Variants in KANK2 observed in about 807,000 individuals in gnomAD.
KANK2 encodes KN motif and ankyrin repeat domain-containing protein 2.
KANK2 carries 41 observed loss-of-function variants against 74.6 expected under a neutral mutation model. The observed-to-expected ratio is 0.55, with a 90% CI of 0.43 to 0.71. The LOEUF is 0.71. Among genes scored for constraint, KANK2 ranks in the 30% least tolerant of loss-of-function variants. The pLI is 0.00. For synonymous variants in KANK2, 537 were observed against 519.0 expected, an observed-to-expected ratio of 1.03 and a Z score of -0.47; for missense variants, 1,148 against 1,196.4, an observed-to-expected ratio of 0.96 and a Z score of 0.60.
At chr19:11,194,394 C>G in intron 3 of KANK2, 81 bp downstream of exon 3, 1 of 1,168,194 alleles carries the variant, frequency 8.6e-7, no homozygotes, top group Non-Finnish European at 1.3e-6. Flanking sequence ...CTCAAAGTCC[C>G]CAGGGCAAGG....
At chr19:11,183,302 C>T (rs2078581981) in intron 4 of KANK2, among the ~76,000 whole-genome samples, 4 of 152,150 alleles carry the variant, frequency 2.6e-5, no homozygotes, top group East Asian at 3.8e-4. Flanking sequence ...CAGTGGGAGA[C>T]GGTGGATTCT....
At chr19:11,190,997 C>CT (rs974003830) in intron 4 of KANK2, among the ~76,000 whole-genome samples, 2 of 147,706 alleles carry the variant, frequency 1.4e-5, no homozygotes, top group African/African-American at 5.0e-5. Flanking sequence ...TCCCAAAGTG[C>CT]TGGGATTACA....
intron 4 of KANK2, chr19:11,192,573 T>C: frequency 2.4e-6 from 1 of 416,684 alleles, no homozygotes; most frequent in Non-Finnish European, 4.6e-6. Flanking sequence ...TAGCTGAGGT[T>C]TACAGGCGCA....
Position 11,193,090 on chromosome 19 carries a change from G to A in KANK2, c.990C>T (p.Val330=). Residue 330 remains valine, a synonymous_variant, in exon 4 of 13, where the codon GTC becomes GTT. Transcript: ENST00000586659. This position sits in a 1 kb window ranked among gnomAD's most constrained non-coding sequence, Gnocchi z 9.6. Reference sequence around the variant, plus strand: ...CCTCCCGTGGCCCTTCTACCACCCGGACTGTATCCACGCGGACCGGGCTGT... The same window carrying A: ...CCTCCCGTGGCCCTTCTACCACCCGAACTGTATCCACGCGGACCGGGCTGT... The part of the protein sequence containing the change: ...PPDSPVRVDT[V]RVVEGPREVE... The A allele has an allele frequency of 6.2e-7, 1 of 1,609,432 alleles. No homozygotes were observed. Among genetic ancestry groups the A allele is most frequent in the Non-Finnish European group, 8.5e-7 (1 of 1,178,024 alleles).
chr19:11,188,476 A>AT (rs1241687529), intron 4 of KANK2, among the ~76,000 whole-genome samples: 13 of 147,534 alleles, frequency 8.8e-5, no homozygotes, highest in Non-Finnish European at 1.5e-4. Context: ...AAGTTCTGGG[A>AT]TTACAGGCAT....
At chr19:11,176,284 T>C (rs891316952) in intron 7 of KANK2, among the ~76,000 whole-genome samples, 1 of 151,986 alleles carries the variant, frequency 6.6e-6, no homozygotes, top group African/African-American at 2.4e-5. Context: ...AAAAGAGACA[T>C]AAATAGAACA....
chr19:11,178,296 G>A (rs1339993741), intron 6 of KANK2, 49 bp downstream of exon 6: 2 of 1,114,330 alleles, frequency 1.8e-6, no homozygotes, highest in South Asian at 3.7e-5. Flanking sequence ...TGGATGAATG[G>A]AGGAGGGGCG....
intron 9 of KANK2, among the ~76,000 whole-genome samples, chr19:11,173,716 C>T (rs139198665): frequency 0.021 from 3,249 of 152,344 alleles, 51 homozygotes; most frequent in Non-Finnish European, 0.029. Context: ...GAAGTGTCTC[C>T]TCCATCAGAC....
rs144098661 is a variant in KANK2 at position 11,189,785 on chromosome 19, G to A, written c.1249+3046C>T. Among the ~76,000 whole-genome samples, 175 of 152,244 alleles carry A rather than the reference G, an allele frequency of 1.1e-3. 3 individuals are homozygous for A. The highest frequency in any genetic ancestry group is 1.9e-3 in the Non-Finnish European group (132 of 68,010). ...AAAGAAGGTGGACATCGCTATGTCT[G>A]TTTGTCCTGCAGGCAGAAGGCCTCT... is the stretch of plus-strand genomic sequence containing the variant. On this transcript the variant is annotated intron_variant, in intron 4 of 12. Transcript: ENST00000586659.
intron 4 of KANK2, among the ~76,000 whole-genome samples, chr19:11,191,505 G>C (rs1353920715): frequency 2.6e-5 from 4 of 152,200 alleles, no homozygotes; most frequent in African/African-American, 7.2e-5. Flanking sequence ...GCTTGGGTGG[G>C]GCTCCCCTAC....
chr19:11,194,365 T>A (rs1228868720), intron 3 of KANK2, 110 bp downstream of exon 3: 2 of 848,662 alleles, frequency 2.4e-6, no homozygotes, highest in African/African-American at 3.3e-5. Flanking sequence ...GACCTCTAAT[T>A]GTTGGGCTGT....
At position 11,173,058 on chromosome 19, in the gene KANK2, T is replaced by C. The variant is rs1196605233; in HGVS notation, c.2134A>G (p.Thr712Ala). Residue 712 changes from threonine to alanine, a missense_variant, in exon 10 of 13, where the codon ACC becomes GCC. Thr to Ala is a moderately conservative substitution (Grantham distance 58). Coordinates refer to ENST00000586659, the MANE Select transcript of KANK2 (RefSeq NM_001136191.3). ...TCGATGTCGTCCTGGGTCTTCAGGG[T>C]GGCCAGGGCGGTGAGCATAATAGGG... is the stretch of plus-strand genomic sequence containing the variant. ...YSPIMLTALATLKTQDDIETV... is the reference protein window; with the variant it reads ...YSPIMLTALAALKTQDDIETV... The C allele has an allele frequency of 6.2e-7, 1 of 1,614,074 alleles. No individual in the cohort carries two copies. The highest frequency in any genetic ancestry group is 2.2e-5 in the East Asian group (1 of 44,878).
In KANK2 at chr19:11,193,279, C is replaced by T; in HGVS notation, c.801G>A (p.Val267=). The change falls in exon 4 of 13, where the codon GTG becomes GTA. Residue 267 remains valine (V), a synonymous_variant. Transcript: ENST00000586659. The surrounding 1 kb of genome is among the most constrained non-coding windows in gnomAD (Gnocchi z 9.6). ...AGTCCCGTTCTCGAACCCAGGTGCC[C>T]ACACTCCGGGTCTCCAGTGCCACTG... ...EDPVALETRS[V]GTWVRERDLG... is the part of the protein sequence containing the mutation. 1.2e-6 allele frequency: 2 copies of T among 1,611,426 alleles called. No individual in the cohort carries two copies. Among genetic ancestry groups the T allele is most frequent in the Non-Finnish European group, 1.7e-6 (2 of 1,179,800 alleles).
chr19:11,188,081 T>C (rs1318762682), intron 4 of KANK2, among the ~76,000 whole-genome samples: 1 of 152,026 alleles, frequency 6.6e-6, no homozygotes, highest in Non-Finnish European at 1.5e-5. Context: ...AGGTTGAAGG[T>C]GGAGGCTGAA....
chr19:11,178,213 G>A, intron 6 of KANK2, 132 bp downstream of exon 6: 1 of 823,786 alleles, frequency 1.2e-6, no homozygotes, highest in South Asian at 2.3e-5. Context: ...CCTCATCTCT[G>A]TGTTGTGGTT....
Position 11,193,982 on chromosome 19 carries a change from G to A in KANK2, c.98C>T (p.Ser33Phe). 6.2e-7 allele frequency: 1 copy of A among 1,613,868 alleles called. No individual in the cohort carries two copies. The highest frequency in any genetic ancestry group is 8.5e-7 in the Non-Finnish European group (1 of 1,179,850). The change falls in exon 4 of 13, where the codon TCC becomes TTC. Residue 33 changes from serine to phenylalanine, a missense_variant. Physicochemically the swap from Ser to Phe is radical, Grantham distance 155. Transcript: ENST00000586659. The surrounding 1 kb of genome is among the most constrained non-coding windows in gnomAD (Gnocchi z 9.6). The stretch of plus-strand genomic sequence containing the variant: ...GCGGTAGCCATAGGGGGTCTCCACG[G>A]AGTAGGGTGGATCGGGGTCCTTGGC... ...FPAKDPDPPYSVETPYGYRLD... is the reference protein window; with the variant it reads ...FPAKDPDPPYFVETPYGYRLD...
At chr19:11,174,358 C>T (rs556020788) in intron 9 of KANK2, 115 bp downstream of exon 9, 49 of 834,372 alleles carry the variant, frequency 5.9e-5, no homozygotes, top group Admixed American at 3.9e-4. Context: ...GAGAAGGCCG[C>T]GTCTCCTCCA....
At position 11,182,544 on chromosome 19, in the gene KANK2, AAC is replaced by A. The variant is rs202046036; in HGVS notation, c.1250-3826_1250-3825del. Among the ~76,000 whole-genome samples, 260 of 146,420 alleles carry A rather than the reference AAC, an allele frequency of 1.8e-3. 1 individual carries two copies. The highest frequency in any genetic ancestry group is 5.7e-3 in the African/African-American group (225 of 39,700). On this transcript the variant is annotated intron_variant, in intron 4 of 12. Coordinates refer to ENST00000586659, the MANE Select transcript of KANK2 (RefSeq NM_001136191.3). Reference sequence around the variant, plus strand: ...CTATCTTTAAAAAAAAAAACAAAAAAACAAAACAAAACAAAAAAGCCAGGCGC... The same window carrying A: ...CTATCTTTAAAAAAAAAAACAAAAAAAAAACAAAACAAAAAAGCCAGGCGC...
chr19:11,178,135 C>T (rs1030055968), intron 6 of KANK2, among the ~76,000 whole-genome samples: 9 of 152,306 alleles, frequency 5.9e-5, no homozygotes, highest in South Asian at 4.1e-4. Context: ...AGCCAGGGCA[C>T]GCAGGGCTGA....
Sources: gnomAD v4.1 joint callset for allele counts (sites outside exome capture counted in the v4.1 genomes callset) on GRCh38, gnomAD v4.1.1 for gene constraint, Gnocchi (gnomAD v3.1) non-coding constraint, MANE v1.5 for transcripts, NCBI Gene and HGNC (gene_info 2026-07-23, HGNC 2026-07-21) for gene names.